Variants in SLC38A7 observed in about 807,000 individuals in gnomAD.
The protein encoded by SLC38A7 is sodium-coupled neutral amino acid transporter 7.
Under a neutral mutation model 50.1 loss-of-function variants are expected in SLC38A7, and 29 were observed. That is an observed-to-expected ratio of 0.58 (90% CI 0.43 to 0.79). The LOEUF is 0.79. SLC38A7 is among the 30% of genes least tolerant of loss of function. The probability of loss-of-function intolerance (pLI) is 0.00; values close to 1 mark genes in which losing one functional copy is unlikely to be tolerated. For missense variants in SLC38A7, 483 were observed against 610.6 expected, an observed-to-expected ratio of 0.79 and a Z score of 2.20; for synonymous variants, 244 against 245.9, an observed-to-expected ratio of 0.99 and a Z score of 0.07.
chr16:58,684,548 C>T (rs571996090), intron 1 of SLC38A7, 169 bp downstream of exon 1: 1 of 152,682 alleles, frequency 6.5e-6, no homozygotes, highest in African/African-American at 2.4e-5. Flanking sequence ...TGGGTAAAGG[C>T]GCGGCAGAGC....
chr16:58,674,676 T>A (rs1220215624), intron 8 of SLC38A7, among the ~76,000 whole-genome samples: 1 of 152,106 alleles, frequency 6.6e-6, no homozygotes, highest in East Asian at 1.9e-4. Flanking sequence ...AATTAATTTT[T>A]ACAGGCTTAT....
In SLC38A7 at chr16:58,680,881, A is replaced by G. The variant is rs140484126; in HGVS notation, c.-115-640T>C. Reference sequence around the variant, plus strand: ...CTTCAGGAAAACAGTGATTCATCCCATGCTTCTAATGCTCCCAACTCCTTT... The same window carrying G: ...CTTCAGGAAAACAGTGATTCATCCCGTGCTTCTAATGCTCCCAACTCCTTT... On this transcript the variant is annotated intron_variant, in intron 2 of 11. Transcript: ENST00000219320. 3.6e-3 allele frequency among the ~76,000 whole-genome samples: 549 copies of G among 152,248 alleles called. 4 individuals carry two copies. Among genetic ancestry groups the G allele is most frequent in the Middle Eastern group, 0.01 (3 of 294 alleles).
At chr16:58,682,140 G>A (rs966313047) in intron 2 of SLC38A7, among the ~76,000 whole-genome samples, 1 of 152,114 alleles carries the variant, frequency 6.6e-6, no homozygotes, top group East Asian at 1.9e-4. Flanking sequence ...CTGGGCGACA[G>A]AGTGAGACTC....
intron 10 of SLC38A7, 21 bp from the exon 11 acceptor site, chr16:58,670,188 C>T: frequency 6.2e-7 from 1 of 1,613,756 alleles, no homozygotes; most frequent in Non-Finnish European, 8.5e-7. Flanking sequence ...AGAAGTGGCC[C>T]TGAGCATTTG....
In SLC38A7 at chr16:58,667,384, G is replaced by C; in HGVS notation, c.*1C>G. The C allele has an allele frequency of 6.2e-7, 1 of 1,614,052 alleles. No homozygotes were observed. Among genetic ancestry groups the C allele is most frequent in the Non-Finnish European group, 8.5e-7 (1 of 1,179,994 alleles). On this transcript the variant is annotated 3_prime_UTR_variant, in exon 12 of 12. Coordinates refer to ENST00000219320, the MANE Select transcript of SLC38A7 (RefSeq NM_018231.3). Reference sequence around the variant, plus strand: ...GCCTTGTGTTCCCTGGGAGGCAGTGGTTATGCCAAGAGATCCACAAAGATG... The same window carrying C: ...GCCTTGTGTTCCCTGGGAGGCAGTGCTTATGCCAAGAGATCCACAAAGATG...
intron 11 of SLC38A7, among the ~76,000 whole-genome samples, chr16:58,668,821 G>A (rs967763533): frequency 5.3e-5 from 8 of 150,506 alleles, no homozygotes; most frequent in Admixed American, 5.3e-4. Flanking sequence ...CACCCAGGCT[G>A]GAGTGCAGTG....
chr16:58,680,267 C>T, intron 2 of SLC38A7, 26 bp from the exon 3 acceptor site: 1 of 936,630 alleles, frequency 1.1e-6, no homozygotes, highest in Non-Finnish European at 1.4e-6. Context: ...GCAGGCACTA[C>T]TGTTATCCTA....
In SLC38A7 at chr16:58,666,066, T is replaced by G. The variant is rs2044030485; in HGVS notation, c.*1319A>C. 1 of 152,612 alleles carries G rather than the reference T, an allele frequency of 6.6e-6. No individual in the cohort carries two copies. Among genetic ancestry groups the G allele is most frequent in the African/African-American group, 2.4e-5 (1 of 41,412 alleles). The allele number at this position is 152,612 out of a possible 1,614,324, so 9.5% of individuals were successfully genotyped here. A position where few individuals can be genotyped will look rare whatever the true frequency, so the allele number is the denominator to read the frequency against. Reference sequence around the variant, plus strand: ...CAGTGACAACCCAGCTGCCTTTTTGTTTGTTTCTGTTTTTTTGAGATGAAG... The same window carrying G: ...CAGTGACAACCCAGCTGCCTTTTTGGTTGTTTCTGTTTTTTTGAGATGAAG... On this transcript the variant is annotated 3_prime_UTR_variant, in exon 12 of 12. Transcript: ENST00000219320.
rs540133010 is a variant in SLC38A7, at chr16:58,667,418, T to C, written c.1356A>G (p.Thr452=). Reference sequence around the variant, plus strand: ...AGAGATCCACAAAGATGGCGTTGGCTGTGGTCTGGCCGAAGATGAAGGCTC... The same window carrying C: ...AGAGATCCACAAAGATGGCGTTGGCCGTGGTCTGGCCGAAGATGAAGGCTC... ...TLGAFIFGQT[T]ANAIFVDLLA The change falls in exon 12 of 12, where the codon ACA becomes ACG. Residue 452 remains threonine (T), a synonymous_variant. Coordinates refer to ENST00000219320, the MANE Select transcript of SLC38A7 (RefSeq NM_018231.3). 60 of 1,614,044 alleles carry C rather than the reference T, an allele frequency of 3.7e-5. No homozygotes were observed. In the East Asian group the frequency reaches 1.1e-3, roughly 29 times the overall value.
chr16:58,673,292 G>C (rs1302777836), intron 8 of SLC38A7, among the ~76,000 whole-genome samples: 1 of 149,992 alleles, frequency 6.7e-6, no homozygotes, highest in Non-Finnish European at 1.5e-5. Context: ...CTGGAATGCA[G>C]TGGTGCGATT....
Position 58,671,394 on chromosome 16 carries a change from C to T in SLC38A7, c.1032-150G>A, listed in dbSNP as rs576723072. The T allele has an allele frequency of 2.2e-5, 16 of 720,966 alleles. No homozygotes were observed. The African/African-American group carries it at 2.7e-4, about 12-fold the overall frequency. 44.7% of individuals were successfully genotyped at this position (720,966 alleles called of 1,614,324 possible). A position where few individuals can be genotyped will look rare whatever the true frequency, so the allele number is the denominator to read the frequency against. ...CCTCTTCTGTAAAATGGGCCACCAG[C>T]ACTCTGTTTACCACAGGGACTAGAG... is the stretch of plus-strand genomic sequence containing the variant. On this transcript the variant is annotated intron_variant, in intron 9 of 11. Coordinates refer to ENST00000219320, the MANE Select transcript of SLC38A7 (RefSeq NM_018231.3).
Position 58,675,990 on chromosome 16 carries a change from C to T in SLC38A7, c.833G>A (p.Gly278Glu). 6.2e-7 allele frequency: 1 copy of T among 1,613,770 alleles called. No individual in the cohort carries two copies. Among genetic ancestry groups the T allele is most frequent in the Non-Finnish European group, 8.5e-7 (1 of 1,179,908 alleles). Residue 278 changes from glycine (G) to glutamate (E), a missense_variant, in exon 8 of 12, where the codon GGA becomes GAA. Transcript: ENST00000219320. ...MQQPEVKTWG[G>E]VVTAAMVIAL... ...TATGACCATGGCAGCTGTCACCACT[C>T]CACCCCAGGTCTTCACTTCAGGCTG...
Position 58,665,387 on chromosome 16 carries a change from A to G in SLC38A7, c.*1998T>C, listed in dbSNP as rs576760282. ...AGCCCTGTCAGGGACTGGTGCTGGC[A>G]GAGCTTGGTGCTGTGCCACAGACTG... On this transcript the variant is annotated 3_prime_UTR_variant, in exon 12 of 12. Transcript: ENST00000219320. The G allele has an allele frequency of 1.3e-5, 2 of 152,416 alleles. No homozygotes were observed. Among genetic ancestry groups the G allele is most frequent in the African/African-American group, 4.8e-5 (2 of 41,558 alleles). 9.4% of individuals were successfully genotyped at this position (152,416 alleles called of 1,614,324 possible).
In SLC38A7 at chr16:58,670,101, G is replaced by A. The variant is rs2044131290; in HGVS notation, c.1286+12C>T. ...CCTCCCTGAGAGGATCAAGGGCTGG[G>A]TCCTGCTTTACCTGGCTGGTTTGAC... On this transcript the variant is annotated intron_variant, in intron 11 of 11. Transcript: ENST00000219320. 3.1e-6 allele frequency: 5 copies of A among 1,613,950 alleles called. No homozygotes were observed. The highest frequency in any genetic ancestry group is 4.2e-6 in the Non-Finnish European group (5 of 1,179,860).
rs188857602 is a variant in SLC38A7, at chr16:58,670,082, T to C, written c.1286+31A>G. On this transcript the variant is annotated intron_variant, in intron 11 of 11. Coordinates refer to ENST00000219320, the MANE Select transcript of SLC38A7 (RefSeq NM_018231.3). ...GCCACATTCCAATCCAGCACCTCCC[T>C]GAGAGGATCAAGGGCTGGGTCCTGC... The C allele has an allele frequency of 6.4e-5, 103 of 1,611,464 alleles. No homozygotes were observed. In the East Asian group the frequency reaches 2.0e-3, roughly 31 times the overall value.
rs2044262167 is a variant in SLC38A7, at chr16:58,676,185, C to G, written c.768+104G>C. ...GAGGCCCCTGTTCCATCCTTCCCCC[C>G]AGGATTTCCTCCATTCTGCCTGGGT... On this transcript the variant is annotated intron_variant, in intron 7 of 11. Transcript: ENST00000219320. The G allele has an allele frequency of 3.2e-6, 5 of 1,575,124 alleles. No individual in the cohort carries two copies. The South Asian group carries it at 5.5e-5, about 17-fold the overall frequency.
intron 11 of SLC38A7, among the ~76,000 whole-genome samples, chr16:58,668,038 A>G (rs1355347481): frequency 6.6e-6 from 1 of 151,690 alleles, no homozygotes; most frequent in East Asian, 1.9e-4. Flanking sequence ...GCAGTGGCTC[A>G]TGTCTGTAAT....
chr16:58,680,285 G>A (rs1305182232), intron 2 of SLC38A7, 44 bp from the exon 3 acceptor site: 5 of 760,870 alleles, frequency 6.6e-6, no homozygotes, highest in Non-Finnish European at 7.4e-6. Flanking sequence ...CTAAGATGGG[G>A]GAACTAGGGG....
intron 2 of SLC38A7, chr16:58,681,490 T>C (rs7187598): frequency 0.42 from 63,793 of 151,866 alleles, 14,703 homozygotes; most frequent in African/African-American, 0.6. Context: ...TGAAAAAGGA[T>C]CTTCAGTGTT....
Sources: gnomAD v4.1 joint callset for allele counts (sites outside exome capture counted in the v4.1 genomes callset) on GRCh38, gnomAD v4.1.1 for gene constraint, MANE v1.5 for transcripts, NCBI Gene and HGNC (gene_info 2026-07-23, HGNC 2026-07-21) for gene names.